The following DOCK8 variants were observed in gnomAD, a reference collection of about 807,000 sequenced individuals.
The protein encoded by DOCK8 is dedicator of cytokinesis 8.
DOCK8 carries 141 observed loss-of-function variants against 245.6 expected under a neutral mutation model. The observed-to-expected ratio is 0.57, with a 90% CI of 0.50 to 0.66. DOCK8 has a LOEUF of 0.66. Ranked by LOEUF, DOCK8 falls within the 30% of genes least tolerant of loss-of-function variation. DOCK8 has a pLI of 0.00. For synonymous variants in DOCK8, 1,168 were observed against 970.2 expected (o/e 1.20, Z -3.79); for missense variants, 2,965 against 2,603.4 (o/e 1.14, Z -3.02).
rs754369378 is a variant in DOCK8, at chr9:429,775, G to A, written c.4547G>A (p.Ser1516Asn). 1.9e-6 allele frequency: 3 copies of A among 1,614,200 alleles called. No homozygotes were observed. In the South Asian group the frequency reaches 3.3e-5, roughly 18 times the overall value. Residue 1516 changes from serine to asparagine, a missense_variant, in exon 36 of 48, where the codon AGC becomes AAC. This residue lies in a region of DOCK8 where 2,825 missense variants were observed against 2,453.5 expected (regional missense o/e 1.15). Coordinates refer to ENST00000432829, the MANE Select transcript of DOCK8 (RefSeq NM_203447.4). ...DLCHQVLHHC[S>N]SSMDVTRSQA... ...TGTCACCAAGTCCTGCACCACTGCA[G>A]CAGCAGCATGGATGTCACCCGGAGC... is the stretch of plus-strand genomic sequence containing the variant.
At chr9:365,601 C>T (rs1197482907) in intron 14 of DOCK8, 2 of 453,624 alleles carry the variant, frequency 4.4e-6, no homozygotes, top group Non-Finnish European at 8.8e-6. Context: ...AGAAGTCTTC[C>T]AGGTTTCAGC....
At chr9:276,981 A>AT (rs771560296) in intron 2 of DOCK8, 179 of 338,944 alleles carry the variant, frequency 5.3e-4, no homozygotes, top group South Asian at 7.3e-4. Context: ...TAATTTTTGT[A>AT]TTTTTTTTGT....
upstream of DOCK8, chr9:214,436 T>C: frequency 6.7e-7 from 1 of 1,487,598 alleles, no homozygotes. Flanking sequence ...CCTGATAGAT[T>C]CCACTAACTT....
At chr9:424,259 C>A (rs946784498) in intron 33 of DOCK8, among the ~76,000 whole-genome samples, 2 of 147,568 alleles carry the variant, frequency 1.4e-5, no homozygotes, top group African/African-American at 2.6e-5. Context: ...AGCTTTAAAA[C>A]CTGTCAGTGC....
intron 5 of DOCK8, among the ~76,000 whole-genome samples, chr9:309,413 A>G (rs1193612069): frequency 1.3e-5 from 2 of 152,184 alleles, no homozygotes; most frequent in East Asian, 3.8e-4. Context: ...GTCCAGTAGT[A>G]TGTCCATTTA....
At chr9:430,663 C>CT (rs1420610350) in intron 36 of DOCK8, among the ~76,000 whole-genome samples, 2 of 116,296 alleles carry the variant, frequency 1.7e-5, no homozygotes, top group African/African-American at 2.8e-5. Flanking sequence ...GCCTGAGACC[C>CT]TGTCTCAAAA....
At chr9:373,215 C>A (rs947198716) in intron 18 of DOCK8, among the ~76,000 whole-genome samples, 23 of 152,200 alleles carry the variant, frequency 1.5e-4, no homozygotes, top group African/African-American at 5.5e-4. Flanking sequence ...GGACTGTCCA[C>A]CCTGACTGCA....
intron 37 of DOCK8, among the ~76,000 whole-genome samples, chr9:433,034 G>A (rs1336548891): frequency 6.6e-6 from 1 of 152,220 alleles, no homozygotes; most frequent in Non-Finnish European, 1.5e-5. Context: ...CCCTTAGTCT[G>A]AGAACCCTAT....
intron 24 of DOCK8, among the ~76,000 whole-genome samples, chr9:392,916 A>C (rs2054266110): frequency 6.6e-6 from 1 of 151,784 alleles, no homozygotes; most frequent in Non-Finnish European, 1.5e-5. Flanking sequence ...CACTCAGCCT[A>C]GCTCTGCAAA....
intron 46 of DOCK8, among the ~76,000 whole-genome samples, chr9:455,585 G>C (rs963280352): frequency 1.3e-5 from 2 of 152,062 alleles, no homozygotes; most frequent in Non-Finnish European, 2.9e-5. Context: ...ATTTCTAACA[G>C]GCCCCCAGGT....
chr9:316,567 G>C lies in DOCK8; in HGVS notation c.742-476G>C, dbSNP rs549256455. On this transcript the variant is annotated intron_variant, in intron 6 of 47. Coordinates refer to ENST00000432829, the MANE Select transcript of DOCK8 (RefSeq NM_203447.4). ...TAAGAAAACAGTGAACTGAGAAAGT[G>C]ACTCTGTATTATAGGATCAATGGTT... Among the ~76,000 whole-genome samples the C allele has an allele frequency of 2.6e-5, 4 of 152,280 alleles. No homozygotes were observed. In the East Asian group the frequency reaches 7.7e-4, roughly 29 times the overall value.
chr9:388,247 G>A (rs752135007), intron 23 of DOCK8, among the ~76,000 whole-genome samples: 2 of 152,102 alleles, frequency 1.3e-5, no homozygotes, highest in Non-Finnish European at 2.9e-5. Context: ...TCAACCCCAC[G>A]CCTCTCTCAA....
chr9:399,127 G>T lies in DOCK8; in HGVS notation c.3121-19G>T, dbSNP rs1564009503. 6.2e-7 allele frequency: 1 copy of T among 1,608,130 alleles called. No individual in the cohort carries two copies. The highest frequency in any genetic ancestry group is 1.1e-5 in the South Asian group (1 of 90,926). ...CAGAGTGTCCCACAAAATGATTTGG[G>T]TGTTTGTTTGTTTTTAAGGAAAATG... On this transcript the variant is annotated intron_variant, in intron 25 of 47. Coordinates refer to ENST00000432829, the MANE Select transcript of DOCK8 (RefSeq NM_203447.4).
At chr9:446,650 G>GT in intron 44 of DOCK8, 44 bp downstream of exon 44, 1 of 1,591,952 alleles carries the variant, frequency 6.3e-7, no homozygotes, top group South Asian at 1.1e-5. Flanking sequence ...GAGTGGGCTG[G>GT]GTGGCCTCCC....
rs1221452595 is a variant in DOCK8 at position 376,240 on chromosome 9, T to G, written c.2140T>G (p.Trp714Gly). The G allele has an allele frequency of 3.1e-6, 5 of 1,613,196 alleles. No homozygotes were observed. Residue 714 changes from tryptophan to glycine, a missense_variant, in exon 19 of 48, where the codon TGG (tryptophan) becomes GGG (glycine). Coordinates refer to ENST00000432829, the MANE Select transcript of DOCK8 (RefSeq NM_203447.4). Reference protein sequence around the residue: ...KVPLQNPPIKWAEGHKGVFNI... With the variant: ...KVPLQNPPIKGAEGHKGVFNI... ...CCCATTACAGAATCCTCCCATTAAG[T>G]GGGCTGAAGGACATAAGGGAGTATT...
chr9:216,766 A>T (rs1162275200), intron 1 of DOCK8, among the ~76,000 whole-genome samples: 1 of 152,112 alleles, frequency 6.6e-6, no homozygotes, highest in Non-Finnish European at 1.5e-5. Flanking sequence ...GGGCAGAAAG[A>T]TGTTAGAAAC....
At position 286,517 on chromosome 9, in the gene DOCK8, C is replaced by T. The variant is rs542114010; in HGVS notation, c.213C>T (p.His71=). ...PVDFEGLLMT[H]LNSLDVQLAQ... is the part of the protein sequence containing the mutation. ...ACTTTGAAGGACTTCTGATGACACA[C>T]CTGAACAGCCTGGATGTGCAGCTTG... Residue 71 remains histidine, a synonymous_variant, in exon 3 of 48, where the codon CAC becomes CAT. Transcript: ENST00000432829. 1.9e-6 allele frequency: 3 copies of T among 1,614,048 alleles called. 1 individual carries two copies. The highest frequency in any genetic ancestry group is 2.2e-5 in the East Asian group (1 of 44,878).
intron 20 of DOCK8, among the ~76,000 whole-genome samples, 171 bp downstream of exon 20, chr9:377,382 C>T (rs2053563190): frequency 6.6e-6 from 1 of 151,902 alleles, no homozygotes; most frequent in Non-Finnish European, 1.5e-5. Context: ...AGACTCTCTG[C>T]ATGTTGGAAA....
intron 1 of DOCK8, among the ~76,000 whole-genome samples, chr9:262,940 C>G (rs1006032290): frequency 2.0e-5 from 3 of 152,316 alleles, no homozygotes; most frequent in Admixed American, 2.0e-4. Context: ...GGCACGGTGG[C>G]TCCCGCCTGT....
Sources: allele counts gnomAD v4.1 joint callset (sites outside exome capture counted in the v4.1 genomes callset), GRCh38; gene constraint gnomAD v4.1.1; regional missense constraint gnomAD v4.1.1; transcripts MANE v1.5; gene names NCBI Gene and HGNC (gene_info 2026-07-23, HGNC 2026-07-21).